TECRL: variants seen among roughly 807,000 people sequenced by gnomAD.
TECRL encodes the protein trans-2,3-enoyl-CoA reductase like.
TECRL carries 63 observed loss-of-function variants against 52.8 expected under a neutral mutation model. The observed-to-expected ratio is 1.19, with a 90% CI of 0.97 to 1.47. The LOEUF is 1.47. Ranked by LOEUF, TECRL falls within the 40% of genes most tolerant of loss-of-function variation. The probability of loss-of-function intolerance (pLI) is 0.00; values close to 1 mark genes in which losing one functional copy is unlikely to be tolerated. For missense variants in TECRL, 482 were observed against 429.6 expected (o/e 1.12, Z -1.08); for synonymous variants, 164 against 141.9 (o/e 1.16, Z -1.10).
chr4:64,337,295 T>C (rs1209212718), intron 2 of TECRL, among the ~76,000 whole-genome samples: 1 of 152,026 alleles, frequency 6.6e-6, no homozygotes, highest in East Asian at 1.9e-4. Context: ...TAAGAGCTAT[T>C]TATGACAAAC....
At chr4:64,280,965 A>C in intron 11 of TECRL, 76 bp downstream of exon 11, 1 of 1,074,346 alleles carries the variant, frequency 9.3e-7, no homozygotes. Context: ...TTAGTACTAT[A>C]ATAACTTTTT....
chr4:64,301,992 T>C (rs1577832539), intron 7 of TECRL, among the ~76,000 whole-genome samples: 1 of 151,414 alleles, frequency 6.6e-6, no homozygotes, highest in Non-Finnish European at 1.5e-5. Flanking sequence ...CACATTTAGA[T>C]AGGTAAAAAT....
chr4:64,312,253 T>C (rs914411010), intron 5 of TECRL, among the ~76,000 whole-genome samples: 11 of 152,202 alleles, frequency 7.2e-5, no homozygotes, highest in African/African-American at 2.7e-4. Context: ...TAAAACAACA[T>C]CATCCTGAAA....
At chr4:64,372,988 A>AG (rs1381214457) in intron 2 of TECRL, among the ~76,000 whole-genome samples, 1 of 151,712 alleles carries the variant, frequency 6.6e-6, no homozygotes, top group African/African-American at 2.4e-5. Flanking sequence ...CAATTAAGAG[A>AG]GAAGTTCTTT....
intron 1 of TECRL, among the ~76,000 whole-genome samples, chr4:64,385,335 C>T (rs772183128): frequency 3.9e-5 from 6 of 152,264 alleles, no homozygotes; most frequent in African/African-American, 1.2e-4. Context: ...CCCCAGACAC[C>T]CTGGAGCATG....
chr4:64,390,913 A>T (rs992019174), intron 1 of TECRL, among the ~76,000 whole-genome samples: 1 of 151,806 alleles, frequency 6.6e-6, no homozygotes, highest in Non-Finnish European at 1.5e-5. Context: ...TTAGGGAGGA[A>T]AATCAATTTT....
At chr4:64,342,099 A>C (rs979212525) in intron 2 of TECRL, among the ~76,000 whole-genome samples, 2 of 152,222 alleles carry the variant, frequency 1.3e-5, no homozygotes, top group African/African-American at 4.8e-5. Context: ...ACAAGTTTCC[A>C]GCCAGAAAAG....
chr4:64,337,972 A>T (rs930135197), intron 2 of TECRL, among the ~76,000 whole-genome samples: 1 of 152,196 alleles, frequency 6.6e-6, no homozygotes, highest in African/African-American at 2.4e-5. Flanking sequence ...CCACATTGCC[A>T]AGACAATCCT....
chr4:64,313,748 T>G (rs1270359568), intron 5 of TECRL, among the ~76,000 whole-genome samples: 2 of 150,854 alleles, frequency 1.3e-5, no homozygotes, highest in African/African-American at 4.9e-5. Flanking sequence ...CCCAAAGTGC[T>G]GGGATTGCAG....
chr4:64,349,535 A>G (rs2109566496), intron 2 of TECRL, among the ~76,000 whole-genome samples: 1 of 152,326 alleles, frequency 6.6e-6, no homozygotes, highest in African/African-American at 2.4e-5. Context: ...AAAATCCTTG[A>G]AGACATTATT....
chr4:64,317,458 T>C (rs2110018310), intron 4 of TECRL, among the ~76,000 whole-genome samples: 1 of 152,250 alleles, frequency 6.6e-6, no homozygotes, highest in East Asian at 1.9e-4. Context: ...TTACTGTCTC[T>C]TTTTCTAAAA....
chr4:64,325,795 A>C (rs928655005), intron 3 of TECRL, among the ~76,000 whole-genome samples: 1 of 152,282 alleles, frequency 6.6e-6, no homozygotes, highest in East Asian at 1.9e-4. Flanking sequence ...CATGCTTGCC[A>C]ACTTCAAAGA....
At chr4:64,366,968 G>A (rs1348884197) in intron 2 of TECRL, among the ~76,000 whole-genome samples, 5 of 152,070 alleles carry the variant, frequency 3.3e-5, no homozygotes, top group African/African-American at 7.2e-5. Flanking sequence ...CAATAGCAAA[G>A]TTATGAAATC....
rs1039667860 is a variant in TECRL, at chr4:64,289,441, C to A, written c.832+269G>T. ...CTGCTTTTGTTCTTATTCATTAGTT[C>A]ATTTATTTACATATTTAAGTGATAT... is the stretch of plus-strand genomic sequence containing the variant. On this transcript the variant is annotated intron_variant, in intron 9 of 11. Coordinates refer to ENST00000381210, the MANE Select transcript of TECRL (RefSeq NM_001010874.5). Among the ~76,000 whole-genome samples, 62 of 152,004 alleles carry A rather than the reference C, an allele frequency of 4.1e-4. 2 individuals are homozygous for A. Among genetic ancestry groups the A allele is most frequent in the Non-Finnish European group, 1.5e-4 (10 of 68,000 alleles).
At chr4:64,400,273 CT>C (rs979394408) in intron 1 of TECRL, among the ~76,000 whole-genome samples, 12 of 152,128 alleles carry the variant, frequency 7.9e-5, no homozygotes, top group African/African-American at 2.7e-4. Flanking sequence ...TGGGTTTCTC[CT>C]TTTTGGAATG....
intron 8 of TECRL, chr4:64,299,068 A>C (rs1007478382): frequency 4.6e-5 from 7 of 151,226 alleles, no homozygotes; most frequent in African/African-American, 1.7e-4. Flanking sequence ...TCAAACAAGT[A>C]ATGAGTTCTT....
At chr4:64,301,234 A>T (rs1442146738) in intron 7 of TECRL, among the ~76,000 whole-genome samples, 55 of 151,006 alleles carry the variant, frequency 3.6e-4, no homozygotes, top group Non-Finnish European at 4.5e-5. Context: ...AGTGAATATT[A>T]TTATTTTCCC....
At chr4:64,360,652 G>C (rs995691587) in intron 2 of TECRL, among the ~76,000 whole-genome samples, 1 of 152,074 alleles carries the variant, frequency 6.6e-6, no homozygotes, top group African/African-American at 2.4e-5. Flanking sequence ...TATGGACAGA[G>C]GGAGGACACA....
At chr4:64,383,883 T>C (rs1234641170) in intron 1 of TECRL, among the ~76,000 whole-genome samples, 2 of 152,096 alleles carry the variant, frequency 1.3e-5, no homozygotes, top group East Asian at 3.9e-4. Flanking sequence ...TTGGCTTTCA[T>C]GGCAAAAATT....
Sources: gnomAD v4.1 joint callset for allele counts (sites outside exome capture counted in the v4.1 genomes callset) on GRCh38, gnomAD v4.1.1 for gene constraint, MANE v1.5 for transcripts, NCBI Gene and HGNC (gene_info 2026-07-23, HGNC 2026-07-21) for gene names.